XIRP2: variants seen among roughly 807,000 people sequenced by gnomAD.
The protein encoded by XIRP2 is xin actin binding repeat containing 2, also known as xin actin-binding repeat-containing protein 2.
A neutral mutation model predicts 277.0 loss-of-function variants in XIRP2; 236 were observed. The ratio of observed to expected loss-of-function variants is 0.85; its 90% CI spans 0.77 to 0.95. XIRP2 has a LOEUF of 0.95. XIRP2 is among the 40% of genes least tolerant of loss of function. The pLI is 0.00. For synonymous variants in XIRP2, 1,490 were observed against 1,416.5 expected (o/e 1.05, Z -1.17); for missense variants, 4,640 against 4,157.5 (o/e 1.12, Z -3.19).
At chr2:166,957,791 G>A (rs181506398) in intron 2 of XIRP2, among the ~76,000 whole-genome samples, 361 of 151,846 alleles carry the variant, frequency 2.4e-3, no homozygotes, top group African/African-American at 8.2e-3. Flanking sequence ...CACTTCAGGC[G>A]TACTTTTTAT....
In XIRP2 at chr2:166,940,243, A is replaced by G. The variant is rs563635321; in HGVS notation, c.408+36353A>G. Among the ~76,000 whole-genome samples, 200 of 152,282 alleles carry G rather than the reference A, an allele frequency of 1.3e-3. 4 individuals are homozygous for G. Among genetic ancestry groups the G allele is most frequent in the African/African-American group, 4.6e-3 (192 of 41,558 alleles). ...TTTCTTCCAGTTGATCGAATCAGCT[A>G]CTTAAGCTTGTGCATTCATCACGTA... On this transcript the variant is annotated intron_variant, in intron 2 of 10. Transcript: ENST00000409195.
In XIRP2 at chr2:167,244,283, A is replaced by G. The variant is rs777106525; in HGVS notation, c.2891A>G (p.His964Arg). The change falls in exon 9 of 11, where the codon CAT (histidine) becomes CGT (arginine). Residue 964 changes from histidine (H) to arginine (R), a missense_variant. Physicochemically the swap from His to Arg is conservative, Grantham distance 29. Transcript: ENST00000409195. Reference protein sequence around the residue: ...SNNLIKFDASHKIEVEGVTRG... With the variant: ...SNNLIKFDASRKIEVEGVTRG... ...AATTTAATTAAATTTGATGCATCAC[A>G]TAAAATAGAGGTGGAAGGAGTTACA... 4 of 1,613,782 alleles carry G rather than the reference A, an allele frequency of 2.5e-6. No individual in the cohort carries two copies. The South Asian group carries it at 4.4e-5, about 18-fold the overall frequency.
At position 167,250,130 on chromosome 2, in the gene XIRP2, C is replaced by T. The variant is rs1347494266; in HGVS notation, c.8738C>T (p.Thr2913Ile). 6.2e-7 allele frequency: 1 copy of T among 1,613,134 alleles called. No individual in the cohort carries two copies. Among genetic ancestry groups the T allele is most frequent in the Non-Finnish European group, 8.5e-7 (1 of 1,179,638 alleles). The stretch of plus-strand genomic sequence containing the variant: ...CAAGAGAAACAAGTCTTCTCTAATA[C>T]TAAAGATTCAAAGCAAGAGATTACA... ...GIQEKQVFSN[T>I]KDSKQEITQN... The change falls in exon 9 of 11, where the codon ACT (threonine) becomes ATT (isoleucine). Residue 2913 changes from threonine (T) to isoleucine (I), a missense_variant. Coordinates refer to ENST00000409195, the MANE Select transcript of XIRP2 (RefSeq NM_152381.6).
Position 167,243,197 on chromosome 2 carries a change from G to A in XIRP2, c.1805G>A (p.Gly602Asp), listed in dbSNP as rs780874928. The A allele has an allele frequency of 8.1e-6, 13 of 1,613,960 alleles. No individual in the cohort carries two copies. Among genetic ancestry groups the A allele is most frequent in the Non-Finnish European group, 1.1e-5 (13 of 1,179,996 alleles). ...GSPDEGDISR[G>D]IADQEIIAGG... The stretch of plus-strand genomic sequence containing the variant: ...CCTGATGAAGGTGATATTTCCAGGG[G>A]CATTGCTGATCAAGAAATCATTGCT... Residue 602 changes from glycine to aspartate, a missense_variant, in exon 9 of 11, where the codon GGC becomes GAC. By Grantham distance (94) the Gly-to-Asp change is moderately conservative. Transcript: ENST00000409195.
chr2:167,210,833 G>A lies in XIRP2; in HGVS notation c.661G>A (p.Glu221Lys). 2 of 1,614,174 alleles carry A rather than the reference G, an allele frequency of 1.2e-6. No individual in the cohort carries two copies. Among genetic ancestry groups the A allele is most frequent in the Non-Finnish European group, 1.7e-6 (2 of 1,180,028 alleles). ...SDLHEVVSLK[E>K]RMARYQAAVS... is the part of the protein sequence containing the mutation. ...CCTCCACGAAGTGGTCTCCCTGAAG[G>A]AGCGGATGGCGAGGTACCAGGCAGC... Residue 221 changes from glutamate (E) to lysine (K), a missense_variant, in exon 4 of 11, where the codon GAG (glutamate) becomes AAG (lysine). Transcript: ENST00000409195.
At chr2:166,988,450 T>TTTAAAAATTTG (rs1558939598) in intron 2 of XIRP2, among the ~76,000 whole-genome samples, 1 of 150,632 alleles carries the variant, frequency 6.6e-6, no homozygotes, top group Non-Finnish European at 1.5e-5. Context: ...GGGAAAACTT[T>TTTAAAAATTTG]AGTTGGAGGA....
chr2:167,250,268 C>G lies in XIRP2; in HGVS notation c.8876C>G (p.Ser2959Trp). The G allele has an allele frequency of 6.2e-7, 1 of 1,613,084 alleles. No homozygotes were observed. The highest frequency in any genetic ancestry group is 1.1e-5 in the South Asian group (1 of 90,900). The change falls in exon 9 of 11, where the codon TCG becomes TGG. Residue 2959 changes from serine to tryptophan, a missense_variant. Coordinates refer to ENST00000409195, the MANE Select transcript of XIRP2 (RefSeq NM_152381.6). Reference sequence around the variant, plus strand: ...CGTGAAGAACTGCAACAGATTTTGTCGAGAGTGAAACAGTTTGAAGCAGAG... The same window carrying G: ...CGTGAAGAACTGCAACAGATTTTGTGGAGAGTGAAACAGTTTGAAGCAGAG... ...RKREELQQILSRVKQFEAEPN... is the reference protein window; with the variant it reads ...RKREELQQILWRVKQFEAEPN...
chr2:166,894,924 A>T (rs1684201306), intron 1 of XIRP2, among the ~76,000 whole-genome samples: 1 of 152,198 alleles, frequency 6.6e-6, no homozygotes, highest in African/African-American at 2.4e-5. Flanking sequence ...TGCTTCCCTG[A>T]GGCAGTCATG....
chr2:167,226,868 C>A (rs1694617988), intron 5 of XIRP2, among the ~76,000 whole-genome samples: 1 of 152,172 alleles, frequency 6.6e-6, no homozygotes, highest in Non-Finnish European at 1.5e-5. Flanking sequence ...GATTTGGAAT[C>A]AAATCATCCT....
chr2:167,037,749 TAATA>T (rs1441560412), intron 2 of XIRP2, among the ~76,000 whole-genome samples: 1 of 151,938 alleles, frequency 6.6e-6, no homozygotes, highest in Non-Finnish European at 1.5e-5. Flanking sequence ...ATTAAAAACA[TAATA>T]AATAATCAGA....
At chr2:166,908,063 C>T (rs181021441) in intron 2 of XIRP2, among the ~76,000 whole-genome samples, 6 of 151,798 alleles carry the variant, frequency 4.0e-5, no homozygotes, top group South Asian at 2.1e-4. Flanking sequence ...TGAATAGTGC[C>T]GCAGTAAACA....
chr2:167,026,728 G>T (rs1362818827), intron 2 of XIRP2, among the ~76,000 whole-genome samples: 1 of 151,980 alleles, frequency 6.6e-6, no homozygotes, highest in Non-Finnish European at 1.5e-5. Context: ...TAGTTTGGGT[G>T]GATATTAAAT....
Position 167,251,333 on chromosome 2 carries a change from C to G in XIRP2, c.9941C>G (p.Ala3314Gly), listed in dbSNP as rs778378205. The G allele has an allele frequency of 1.2e-5, 19 of 1,613,418 alleles. No individual in the cohort carries two copies. The highest frequency in any genetic ancestry group is 1.4e-5 in the Non-Finnish European group (17 of 1,179,686). ...TCAGAGCACACACAGAGATATGAAG[C>G]GGCCAACCGAACTGTTCAAATGGCT... is the stretch of plus-strand genomic sequence containing the variant. ...RLSEHTQRYE[A>G]ANRTVQMAEN... The change falls in exon 9 of 11, where the codon GCG becomes GGG. Residue 3314 changes from alanine (A) to glycine (G), a missense_variant. Ala to Gly is a moderately conservative substitution (Grantham distance 60, BLOSUM62 0). Transcript: ENST00000409195.
intron 3 of XIRP2, among the ~76,000 whole-genome samples, chr2:167,200,245 C>T (rs73027847): frequency 6.6e-6 from 1 of 152,108 alleles, no homozygotes; most frequent in Non-Finnish European, 1.5e-5. Flanking sequence ...TGGTAGGTTG[C>T]CACAAAGCAG....
rs760824354 is a variant in XIRP2, at chr2:167,251,830, T to G, written c.10438T>G (p.Phe3480Val). ...SDSPKEVRKN[F>V]QKTWQESGRV... Reference sequence around the variant, plus strand: ...TTCACCTAAAGAAGTAAGAAAAAATTTTCAAAAGACGTGGCAAGAGAGTGG... The same window carrying G: ...TTCACCTAAAGAAGTAAGAAAAAATGTTCAAAAGACGTGGCAAGAGAGTGG... Residue 3480 changes from phenylalanine to valine, a missense_variant, in exon 9 of 11, where the codon TTT (phenylalanine) becomes GTT (valine). Physicochemically the swap from Phe to Val is conservative, Grantham distance 50 (BLOSUM62 -1). Transcript: ENST00000409195. The G allele has an allele frequency of 6.2e-7, 1 of 1,613,300 alleles. No individual in the cohort carries two copies. Among genetic ancestry groups the G allele is most frequent in the African/African-American group, 1.3e-5 (1 of 74,946 alleles).
At chr2:167,217,264 C>T (rs1387036738) in intron 4 of XIRP2, among the ~76,000 whole-genome samples, 1 of 146,842 alleles carries the variant, frequency 6.8e-6, no homozygotes, top group East Asian at 2.0e-4. Context: ...GCACATGTAC[C>T]CTAAAACTTA....
chr2:167,135,771 T>TTACCTGAAGC, intron 2 of XIRP2, 138 bp from the exon 3 acceptor site: 1 of 783,392 alleles, frequency 1.3e-6, no homozygotes, highest in Non-Finnish European at 1.9e-6. Flanking sequence ...TATCAACATT[T>TTACCTGAAGC]TACCTGAAGC....
chr2:167,028,941 G>T (rs1688250019), intron 2 of XIRP2, among the ~76,000 whole-genome samples: 1 of 151,612 alleles, frequency 6.6e-6, no homozygotes, highest in Admixed American at 6.6e-5. Flanking sequence ...ATACCTCAGA[G>T]TCTCTCAACA....
chr2:166,966,390 A>C (rs1333954801), intron 2 of XIRP2, among the ~76,000 whole-genome samples: 2 of 151,506 alleles, frequency 1.3e-5, no homozygotes, highest in East Asian at 3.9e-4. Context: ...GTGAGCTAAA[A>C]TTTTTTTACA....
Sources: allele counts gnomAD v4.1 joint callset (sites outside exome capture counted in the v4.1 genomes callset), GRCh38; gene constraint gnomAD v4.1.1; transcripts MANE v1.5; gene names NCBI Gene and HGNC (gene_info 2026-07-23, HGNC 2026-07-21).